PRPF18: variants seen among roughly 807,000 people sequenced by gnomAD.
PRPF18 encodes pre-mRNA processing factor 18.
A neutral mutation model predicts 46.5 loss-of-function variants in PRPF18; 38 were observed. The observed-to-expected ratio is 0.82, with a 90% confidence interval of 0.63 to 1.07. PRPF18 has a LOEUF of 1.07. Ranked by LOEUF, PRPF18 falls within the 50% of genes least tolerant of loss-of-function variation. PRPF18 has a pLI of 0.00. For missense variants in PRPF18, 263 were observed against 410.0 expected, an observed-to-expected ratio of 0.64 and a Z score of 3.10; for synonymous variants, 152 against 146.7, an observed-to-expected ratio of 1.04 and a Z score of -0.26.
intron 1 of PRPF18, among the ~76,000 whole-genome samples, chr10:13,593,058 C>G (rs2079987620): frequency 6.6e-6 from 1 of 152,114 alleles, no homozygotes; most frequent in African/African-American, 2.4e-5. Flanking sequence ...AACTGGATAT[C>G]CATACGGAAA....
the PRPF18 span, chr10:13,646,610 C>T: frequency 4.7e-3 from 723 of 152,548 alleles, 2 homozygotes; most frequent in Non-Finnish European, 7.9e-3. Context: ...GCTACTTATC[C>T]GCAGGAATTG....
chr10:13,631,734 T>C (rs141642996), downstream of PRPF18: 1 of 152,366 alleles, frequency 6.6e-6, no homozygotes, highest in East Asian at 1.9e-4. Flanking sequence ...AAGCATTTAC[T>C]GTATCTGAAC....
intron 1 of PRPF18, chr10:13,592,294 A>G (rs1051053100): frequency 2.4e-6 from 1 of 418,990 alleles, no homozygotes; most frequent in Non-Finnish European, 4.5e-6. Flanking sequence ...TCTCTTTAGT[A>G]TCCGGCTTCT....
the PRPF18 span, chr10:13,653,526 C>T: frequency 6.6e-6 from 1 of 152,290 alleles, no homozygotes; most frequent in African/African-American, 2.4e-5. Context: ...GCCTGAAAGG[C>T]AGACAATACA....
chr10:13,597,055 T>G (rs1040630412), intron 1 of PRPF18, among the ~76,000 whole-genome samples: 2 of 152,226 alleles, frequency 1.3e-5, no homozygotes, highest in African/African-American at 4.8e-5. Flanking sequence ...GCTATATATG[T>G]CATAATTTTG....
At chr10:13,649,045 T>C in the PRPF18 span, among the ~76,000 whole-genome samples, 1 of 152,192 alleles carries the variant, frequency 6.6e-6, no homozygotes, top group Non-Finnish European at 1.5e-5. Context: ...GCCACAGAAC[T>C]TCTGGAACAG....
At chr10:13,587,548 A>G (rs775710346) in intron 1 of PRPF18, among the ~76,000 whole-genome samples, 2 of 152,174 alleles carry the variant, frequency 1.3e-5, no homozygotes, top group African/African-American at 2.4e-5. Flanking sequence ...CCTTTCCACC[A>G]CCTCTCAGAT....
At chr10:13,597,772 G>T in intron 2 of PRPF18, 1 of 920,948 alleles carries the variant, frequency 1.1e-6, no homozygotes. Flanking sequence ...TGGACGGCAT[G>T]AAGTGGCTTG....
chr10:13,649,575 T>C, the PRPF18 span: 57 of 139,404 alleles, frequency 4.1e-4, no homozygotes, highest in Admixed American at 3.9e-3. Context: ...TAAAGATGTA[T>C]TTTTTCCAAA....
chr10:13,602,837 T>C (rs1272300346), intron 3 of PRPF18, among the ~76,000 whole-genome samples: 1 of 151,740 alleles, frequency 6.6e-6, no homozygotes, highest in African/African-American at 2.4e-5. Flanking sequence ...GGTTCAAGAG[T>C]TTCTGAAGCC....
At chr10:13,605,499 T>C in intron 3 of PRPF18, 132 bp from the exon 4 acceptor site, 1 of 945,090 alleles carries the variant, frequency 1.1e-6, no homozygotes, top group Non-Finnish European at 1.4e-6. Flanking sequence ...GGAGAATCGC[T>C]TGAACCTGGG....
downstream of PRPF18, among the ~76,000 whole-genome samples, chr10:13,633,137 G>A (rs2080604993): frequency 6.6e-6 from 1 of 152,172 alleles, no homozygotes; most frequent in Non-Finnish European, 1.5e-5. Flanking sequence ...GTAAAGCTAA[G>A]GCCAAAGATA....
chr10:13,627,910 A>T (rs987291215), intron 9 of PRPF18, among the ~76,000 whole-genome samples: 1 of 152,138 alleles, frequency 6.6e-6, no homozygotes, highest in Non-Finnish European at 1.5e-5. Context: ...GAGTGAAGCT[A>T]TTTGTATTTC....
the PRPF18 span, chr10:13,654,451 TG>T: frequency 3.7e-6 from 6 of 1,611,024 alleles, no homozygotes; most frequent in Non-Finnish European, 5.1e-6. Context: ...GGGGGCTGCT[TG>T]GGGGGGTGGC....
At chr10:13,598,198 AGTT>A (rs1225058045) in intron 2 of PRPF18, among the ~76,000 whole-genome samples, 2 of 152,158 alleles carry the variant, frequency 1.3e-5, no homozygotes, top group Non-Finnish European at 2.9e-5. Context: ...AGAAGAAATT[AGTT>A]GATAATGTAT....
intron 8 of PRPF18, 27 bp downstream of exon 8, chr10:13,614,113 T>A (rs765794381): frequency 6.7e-7 from 1 of 1,487,352 alleles, no homozygotes; most frequent in Admixed American, 2.0e-5. Flanking sequence ...TTCTTTGAAA[T>A]TGTTAAGAGT....
intron 9 of PRPF18, among the ~76,000 whole-genome samples, chr10:13,629,497 T>A (rs1172009710): frequency 1.3e-5 from 2 of 152,220 alleles, no homozygotes; most frequent in Non-Finnish European, 2.9e-5. Flanking sequence ...ATTGAAACAA[T>A]ATTGTCCTTC....
downstream of PRPF18, among the ~76,000 whole-genome samples, chr10:13,634,288 G>A (rs1311896266): frequency 3.9e-5 from 6 of 152,266 alleles, no homozygotes; most frequent in South Asian, 1.2e-3. Flanking sequence ...CTTCTGTTGA[G>A]TCTCTTCTTC....
chr10:13,609,935 TGTG>T lies in PRPF18; in HGVS notation c.364-102_364-100del, dbSNP rs1209439744. ...GTCCCTACTTTTGCTGAACTCTTCT[TGTG>T]GGGGAAAAAATATTTGCAGTTATTA... On this transcript the variant is annotated intron_variant, in intron 4 of 9. Coordinates refer to ENST00000378572, the MANE Select transcript of PRPF18 (RefSeq NM_003675.4). 19 of 1,264,688 alleles carry T rather than the reference TGTG, an allele frequency of 1.5e-5. No individual in the cohort carries two copies. In the African/African-American group the frequency reaches 2.7e-4, roughly 18 times the overall value. The allele number at this position is 1,264,688 out of a possible 1,614,324, so 78.3% of individuals were successfully genotyped here. A position where few individuals can be genotyped will look rare whatever the true frequency, so the allele number is the denominator to read the frequency against.
Sources: gnomAD v4.1 joint callset for allele counts (sites outside exome capture counted in the v4.1 genomes callset) on GRCh38, gnomAD v4.1.1 for gene constraint, MANE v1.5 for transcripts, NCBI Gene and HGNC (gene_info 2026-07-23, HGNC 2026-07-21) for gene names.